The following CNBD2 variants were observed in gnomAD, a reference collection of about 807,000 sequenced individuals.
CNBD2 encodes cyclic nucleotide-binding domain-containing protein 2.
A neutral mutation model predicts 63.7 loss-of-function variants in CNBD2; 64 were observed. That is an observed-to-expected ratio of 1.00 (90% CI 0.82 to 1.24). The LOEUF is 1.24. Ranked by LOEUF, CNBD2 falls within the 50% of genes most tolerant of loss-of-function variation. The pLI is 0.00. For synonymous variants in CNBD2, 229 were observed against 255.4 expected, an observed-to-expected ratio of 0.90 and a Z score of 0.99; for missense variants, 691 against 713.5, an observed-to-expected ratio of 0.97 and a Z score of 0.36.
At chr20:35,963,149 G>C (rs922286641) in intron 2 of CNBD2, among the ~76,000 whole-genome samples, 26 of 152,100 alleles carry the variant, frequency 1.7e-4, no homozygotes, top group African/African-American at 2.4e-5. Flanking sequence ...TTCAAGACCA[G>C]CCTGGGCAAC....
At chr20:35,980,651 C>G in intron 4 of CNBD2, 29 bp downstream of exon 4, 1 of 1,609,496 alleles carries the variant, frequency 6.2e-7, no homozygotes, top group Non-Finnish European at 8.5e-7. Flanking sequence ...CCTTGGCCAC[C>G]AGGCTGAGGC....
At chr20:36,001,143 A>G (rs2056893047) in intron 8 of CNBD2, among the ~76,000 whole-genome samples, 1 of 152,078 alleles carries the variant, frequency 6.6e-6, no homozygotes, top group African/African-American at 2.4e-5. Context: ...ACCTCTTTCT[A>G]CACAGACACG....
At chr20:36,025,821 C>T (rs1468827500) in intron 11 of CNBD2, among the ~76,000 whole-genome samples, 1 of 151,880 alleles carries the variant, frequency 6.6e-6, no homozygotes, top group Non-Finnish European at 1.5e-5. Context: ...CATGTACTCC[C>T]TGGTATGTAT....
At chr20:35,978,586 C>T (rs1442251520) in intron 3 of CNBD2, among the ~76,000 whole-genome samples, 4 of 152,172 alleles carry the variant, frequency 2.6e-5, no homozygotes, top group Non-Finnish European at 5.9e-5. Context: ...CCTCGTGATC[C>T]GTCCGCCTTG....
In CNBD2 at chr20:36,009,776, G is replaced by A. The variant is rs1047484207; in HGVS notation, c.1148+1302G>A. The stretch of plus-strand genomic sequence containing the variant: ...GAACCCAAGAGGCGGAGGTTGCAGT[G>A]AGCTGAGATCACGCCACTGTACTTC... On this transcript the variant is annotated intron_variant, in intron 9 of 11. Coordinates refer to ENST00000373973, the MANE Select transcript of CNBD2 (RefSeq NM_001365709.1). Among the ~76,000 whole-genome samples, 81 of 152,140 alleles carry A rather than the reference G, an allele frequency of 5.3e-4. 2 individuals are homozygous for A. Among genetic ancestry groups the A allele is most frequent in the Non-Finnish European group, 5.9e-5 (4 of 68,030 alleles).
At chr20:36,009,199 T>C (rs2057023807) in intron 9 of CNBD2, among the ~76,000 whole-genome samples, 1 of 148,558 alleles carries the variant, frequency 6.7e-6, no homozygotes, top group South Asian at 2.1e-4. Context: ...AGATCTTGTC[T>C]CTCTCTTTTT....
At chr20:35,990,327 C>G (rs1396547423) in intron 7 of CNBD2, among the ~76,000 whole-genome samples, 1 of 152,130 alleles carries the variant, frequency 6.6e-6, no homozygotes, top group Admixed American at 6.6e-5. Flanking sequence ...AATCGTCTAA[C>G]AATATTTAAA....
intron 1 of CNBD2, among the ~76,000 whole-genome samples, chr20:35,969,059 T>G (rs2056376068): frequency 6.6e-6 from 1 of 152,158 alleles, no homozygotes; most frequent in African/African-American, 2.4e-5. Flanking sequence ...TTCCTGCTAT[T>G]ATGAGATCCA....
At chr20:36,006,710 G>T (rs146885204) in intron 8 of CNBD2, among the ~76,000 whole-genome samples, 1 of 152,278 alleles carries the variant, frequency 6.6e-6, no homozygotes, top group Non-Finnish European at 1.5e-5. Flanking sequence ...GAGCCACTGC[G>T]CCTGGCCATA....
chr20:36,007,872 G>A (rs2057005722), intron 8 of CNBD2, among the ~76,000 whole-genome samples: 1 of 152,110 alleles, frequency 6.6e-6, no homozygotes, highest in African/African-American at 2.4e-5. Flanking sequence ...TATATGACTT[G>A]TCCAAAGTTC....
chr20:36,025,737 A>G (rs934751933), intron 11 of CNBD2, among the ~76,000 whole-genome samples: 5 of 152,092 alleles, frequency 3.3e-5, no homozygotes, highest in Non-Finnish European at 7.4e-5. Flanking sequence ...AAGTGTAAAA[A>G]TTAATTTATT....
Position 35,995,160 on chromosome 20 carries a change from G to C in CNBD2, c.970+8G>C. 1 of 1,600,986 alleles carries C rather than the reference G, an allele frequency of 6.2e-7. No homozygotes were observed. The highest frequency in any genetic ancestry group is 8.6e-7 in the Non-Finnish European group (1 of 1,169,112). ...TGAAGACCCACCTGAGTGGTAAGCTGCCTTGGCCTGTCTGACAGCAGGGGG... is the reference window on the plus strand; with the variant it reads ...TGAAGACCCACCTGAGTGGTAAGCTCCCTTGGCCTGTCTGACAGCAGGGGG... On this transcript the variant is annotated splice_region_variant and intron_variant, in intron 8 of 11. Transcript: ENST00000373973.
chr20:35,954,493 G>A, upstream of CNBD2: 4 of 1,542,506 alleles, frequency 2.6e-6, no homozygotes, highest in Non-Finnish European at 3.5e-6. Flanking sequence ...AAAGTCTCTG[G>A]CTTCTCTGCG....
intron 8 of CNBD2, among the ~76,000 whole-genome samples, chr20:36,001,685 C>T (rs1473626774): frequency 8.8e-4 from 130 of 148,488 alleles, no homozygotes; most frequent in Non-Finnish European, 8.0e-4. Flanking sequence ...TCAGACGGGG[C>T]GGCCGGGCAG....
chr20:36,019,934 C>T (rs1342939807), intron 10 of CNBD2, among the ~76,000 whole-genome samples: 1 of 152,196 alleles, frequency 6.6e-6, no homozygotes, highest in Admixed American at 6.5e-5. Flanking sequence ...CTTTATGTCT[C>T]ATTACCTTGG....
chr20:35,971,874 TA>T (rs1332254554), intron 1 of CNBD2, among the ~76,000 whole-genome samples: 2 of 152,226 alleles, frequency 1.3e-5, no homozygotes, highest in South Asian at 2.1e-4. Context: ...CATTGATTTA[TA>T]GATTCTTCTA....
At position 35,987,476 on chromosome 20, in the gene CNBD2, T is replaced by C. The variant is rs1363080743; in HGVS notation, c.798T>C (p.Tyr266=). 1 of 1,614,218 alleles carries C rather than the reference T, an allele frequency of 6.2e-7. No homozygotes were observed. Among genetic ancestry groups the C allele is most frequent in the Non-Finnish European group, 8.5e-7 (1 of 1,180,034 alleles). Residue 266 remains tyrosine, a synonymous_variant, in exon 7 of 12, where the codon TAT becomes TAC. Transcript: ENST00000373973. ...TGGCGAAGATAGAGAGGTTCTCGTA[T>C]GGGCAGCTGATCTCAAAAGATTTTG... The part of the protein sequence containing the change: ...VAMAKIERFS[Y]GQLISKDFGE...
chr20:36,019,643 G>A (rs147932960), intron 10 of CNBD2, among the ~76,000 whole-genome samples: 559 of 152,096 alleles, frequency 3.7e-3, no homozygotes, highest in Non-Finnish European at 6.0e-3. Flanking sequence ...AGGCGTGTTG[G>A]GGGGATTGGA....
intron 8 of CNBD2, among the ~76,000 whole-genome samples, chr20:36,004,760 A>C (rs2056962171): frequency 6.6e-6 from 1 of 151,938 alleles, no homozygotes. Context: ...ATAGAGTCTC[A>C]CTATGTTGCT....
Sources: allele counts gnomAD v4.1 joint callset (sites outside exome capture counted in the v4.1 genomes callset), GRCh38; gene constraint gnomAD v4.1.1; transcripts MANE v1.5; gene names NCBI Gene and HGNC (gene_info 2026-07-23, HGNC 2026-07-21).